The following NCKAP1L variants were observed in gnomAD, a reference collection of about 807,000 sequenced individuals.
NCKAP1L encodes NCK associated protein 1 like, also known as nck-associated protein 1-like.
Under a neutral mutation model 139.2 loss-of-function variants are expected in NCKAP1L, and 53 were observed. The observed-to-expected ratio is 0.38, with a 90% CI of 0.31 to 0.48. The LOEUF (loss-of-function observed/expected upper bound fraction) is 0.48. NCKAP1L is among the 20% of genes least tolerant of loss of function. The probability of loss-of-function intolerance (pLI) is 0.98; values close to 1 mark genes in which losing one functional copy is unlikely to be tolerated. For missense variants in NCKAP1L, 1,151 were observed against 1,381.9 expected (o/e 0.83, Z 2.65); for synonymous variants, 468 against 499.7 (o/e 0.94, Z 0.85).
At chr12:54,541,820 C>T (rs1957160415) in intron 30 of NCKAP1L, among the ~76,000 whole-genome samples, 2 of 152,090 alleles carry the variant, frequency 1.3e-5, no homozygotes, top group African/African-American at 4.8e-5. Context: ...CTCATTACCT[C>T]TTGGATAAGG....
intron 1 of NCKAP1L, among the ~76,000 whole-genome samples, chr12:54,498,211 C>T (rs1371119833): frequency 1.3e-5 from 2 of 152,120 alleles, no homozygotes; most frequent in Non-Finnish European, 2.9e-5. Context: ...GTCTGGGGTC[C>T]AACCTTCTGG....
intron 28 of NCKAP1L, 131 bp downstream of exon 28, chr12:54,536,376 A>G: frequency 1.5e-6 from 1 of 680,906 alleles, no homozygotes; most frequent in South Asian, 1.7e-5. Flanking sequence ...AAAGCACTTG[A>G]AGGCTGGACA....
intron 30 of NCKAP1L, 134 bp from the exon 31 acceptor site, chr12:54,542,441 G>C: frequency 1.5e-6 from 1 of 687,458 alleles, no homozygotes; most frequent in South Asian, 1.8e-5. Context: ...AGGGAAGAGG[G>C]GGGTGTGATT....
chr12:54,526,967 G>A (rs1318928379), intron 21 of NCKAP1L, among the ~76,000 whole-genome samples: 1 of 152,140 alleles, frequency 6.6e-6, no homozygotes, highest in East Asian at 1.9e-4. Context: ...ACATCCTTCA[G>A]CCTACCCTGC....
chr12:54,539,113 A>G (rs1957137075), intron 30 of NCKAP1L, 140 bp downstream of exon 30: 1 of 667,838 alleles, frequency 1.5e-6, no homozygotes, highest in Admixed American at 2.5e-5. Flanking sequence ...AACCCTCTGA[A>G]TGTAGTCCTC....
At position 54,543,671 on chromosome 12, in the gene NCKAP1L, G is replaced by C. The variant is rs1479482105; in HGVS notation, c.*986G>C. 2.6e-5 allele frequency: 4 copies of C among 152,296 alleles called. No homozygotes were observed. The highest frequency in any genetic ancestry group is 3.4e-3 in the Middle Eastern group (1 of 294). The allele number at this position is 152,296 out of a possible 1,614,324, so 9.4% of individuals were successfully genotyped here. A position where few individuals can be genotyped will look rare whatever the true frequency, so the allele number is the denominator to read the frequency against. On this transcript the variant is annotated 3_prime_UTR_variant, in exon 31 of 31. Coordinates refer to ENST00000293373, the MANE Select transcript of NCKAP1L (RefSeq NM_005337.5). The stretch of plus-strand genomic sequence containing the variant: ...CCTGAGAGTGGGTATCCTTGAGGGA[G>C]TACAAGCTGTTTCAACTTAGCCCTT...
chr12:54,505,502 A>G (rs1434490054), intron 3 of NCKAP1L, among the ~76,000 whole-genome samples: 9 of 150,148 alleles, frequency 6.0e-5, no homozygotes, highest in Admixed American at 5.3e-4. Flanking sequence ...GCCCCAGGCA[A>G]CCACTGATCT....
intron 9 of NCKAP1L, 74 bp downstream of exon 9, chr12:54,512,179 A>G (rs1193158258): frequency 1.3e-6 from 2 of 1,490,110 alleles, no homozygotes; most frequent in Non-Finnish European, 1.8e-6. Context: ...TTCAGTCTCC[A>G]CAAGTGTTCC....
At position 54,521,080 on chromosome 12, in the gene NCKAP1L, G is replaced by T. The variant is rs926675150; in HGVS notation, c.1759-39G>T. 3.1e-6 allele frequency: 5 copies of T among 1,612,860 alleles called. No homozygotes were observed. In the Admixed American group the frequency reaches 8.3e-5, roughly 27 times the overall value. The stretch of plus-strand genomic sequence containing the variant: ...ATTGTGAGGAAGAAGTGGCCGTGCT[G>T]GTGATGACAGTCTCTTCTTTGGTCC... On this transcript the variant is annotated intron_variant, in intron 17 of 30. Coordinates refer to ENST00000293373, the MANE Select transcript of NCKAP1L (RefSeq NM_005337.5).
Position 54,509,858 on chromosome 12 carries a change from G to A in NCKAP1L, c.608G>A (p.Gly203Glu). The A allele has an allele frequency of 6.2e-7, 1 of 1,614,220 alleles. No individual in the cohort carries two copies. The highest frequency in any genetic ancestry group is 8.5e-7 in the Non-Finnish European group (1 of 1,180,034). The change falls in exon 7 of 31, where the codon GGA becomes GAA. Residue 203 changes from glycine (G) to glutamate (E), a missense_variant. Transcript: ENST00000293373. ...EFGPHTKAVS[G>E]ALLSLHFLFV... is the part of the protein sequence containing the mutation. ...TGCTTTTCCCCACAGGCTGTGAGTG[G>A]AGCCCTCCTCTCTTTGCATTTCCTC...
At chr12:54,528,497 A>C in intron 22 of NCKAP1L, 120 bp downstream of exon 22, 2 of 1,275,252 alleles carry the variant, frequency 1.6e-6, no homozygotes, top group Admixed American at 4.7e-5. Flanking sequence ...ATTACTTTTC[A>C]TTGCAAAAAC....
rs750599389 is a variant in NCKAP1L at position 54,528,240 on chromosome 12, C to A, written c.2376-7C>A. 2 of 1,613,256 alleles carry A rather than the reference C, an allele frequency of 1.2e-6. No homozygotes were observed. The highest frequency in any genetic ancestry group is 3.3e-5 in the Admixed American group (2 of 59,964). ...CCTAATCTATGTTTTCTTGGCCAACCCTGTAGGTACCTGGAAAGTCTGCTT... is the reference window on the plus strand; with the variant it reads ...CCTAATCTATGTTTTCTTGGCCAACACTGTAGGTACCTGGAAAGTCTGCTT... On this transcript the variant is annotated splice_polypyrimidine_tract_variant and splice_region_variant and intron_variant, in intron 21 of 30. Coordinates refer to ENST00000293373, the MANE Select transcript of NCKAP1L (RefSeq NM_005337.5).
chr12:54,531,191 C>A, intron 22 of NCKAP1L, 69 bp from the exon 23 acceptor site: 1 of 1,167,258 alleles, frequency 8.6e-7, no homozygotes, highest in Non-Finnish European at 1.3e-6. Context: ...TCAAATTACC[C>A]TATAGCTGTT....
rs752520351 is a variant in NCKAP1L, at chr12:54,537,052, T to G, written c.3182T>G (p.Val1061Gly). 6.3e-7 allele frequency: 1 copy of G among 1,595,390 alleles called. No individual in the cohort carries two copies. The highest frequency in any genetic ancestry group is 8.6e-7 in the Non-Finnish European group (1 of 1,163,344). The part of the protein sequence containing the change: ...NIETHLKEFL[V>G]VASVSLLQLG... ...GAAACTCACCTCAAGGAATTTCTGG[T>G]GGTGAGTGGGTCTAGGTTATAAAGA... The change falls in exon 29 of 31, where the codon GTG (valine) becomes GGG (glycine). Residue 1061 changes from valine (V) to glycine (G), a missense_variant and splice_region_variant. Transcript: ENST00000293373.
rs941996056 is a variant in NCKAP1L at position 54,542,916 on chromosome 12, C to T, written c.*231C>T. 1.1e-5 allele frequency: 5 copies of T among 459,138 alleles called. No individual in the cohort carries two copies. The South Asian group carries it at 1.2e-4, about 11-fold the overall frequency. 28.4% of individuals were successfully genotyped at this position (459,138 alleles called of 1,614,324 possible). On this transcript the variant is annotated 3_prime_UTR_variant, in exon 31 of 31. Transcript: ENST00000293373. Reference sequence around the variant, plus strand: ...GGACAGCTTATGGAAAAAGTTAGGGCGTGGGGCCACATGTGTGAATTTTAC... The same window carrying T: ...GGACAGCTTATGGAAAAAGTTAGGGTGTGGGGCCACATGTGTGAATTTTAC...
At chr12:54,537,086 T>C (rs371635225) in intron 29 of NCKAP1L, 33 bp downstream of exon 29, 12 of 1,424,804 alleles carry the variant, frequency 8.4e-6, no homozygotes, top group Non-Finnish European at 1.2e-5. Context: ...GAATGGAAGA[T>C]TGCAAAGGGC....
At chr12:54,524,033 G>C in intron 20 of NCKAP1L, 77 bp downstream of exon 20, 2 of 1,472,870 alleles carry the variant, frequency 1.4e-6, no homozygotes, top group Non-Finnish European at 1.8e-6. Flanking sequence ...TAGTATGGTG[G>C]TCCTCAAAGT....
At chr12:54,522,009 G>C (rs993949127) in intron 18 of NCKAP1L, among the ~76,000 whole-genome samples, 2 of 152,102 alleles carry the variant, frequency 1.3e-5, no homozygotes, top group African/African-American at 4.8e-5. Context: ...TTACAGAAGT[G>C]TCTTAAGGAT....
Position 54,517,022 on chromosome 12 carries a change from G to A in NCKAP1L, c.1095+30G>A, listed in dbSNP as rs1360051498. ...GAGGAAGAAATGTTGGGAGGGGAAT[G>A]ATGGCCAGTGATAAGAGACTGTGTA... On this transcript the variant is annotated intron_variant, in intron 11 of 30. Transcript: ENST00000293373. 3.8e-6 allele frequency: 6 copies of A among 1,574,036 alleles called. No homozygotes were observed. In the Admixed American group the frequency reaches 5.0e-5, roughly 13 times the overall value.
Sources: gnomAD v4.1 joint callset for allele counts (sites outside exome capture counted in the v4.1 genomes callset) on GRCh38, gnomAD v4.1.1 for gene constraint, MANE v1.5 for transcripts, NCBI Gene and HGNC (gene_info 2026-07-23, HGNC 2026-07-21) for gene names.